Variants in GNAI1 observed in about 807,000 individuals in gnomAD.
GNAI1 encodes guanine nucleotide-binding protein G(i) subunit alpha-1.
A neutral mutation model predicts 38.9 loss-of-function variants in GNAI1; 11 were observed. The observed-to-expected ratio is 0.28, with a 90% CI of 0.18 to 0.47. GNAI1 has a LOEUF of 0.47. GNAI1 is among the 20% of genes least tolerant of loss of function. GNAI1 has a pLI of 0.99. For missense variants in GNAI1, 317 were observed against 436.9 expected, an observed-to-expected ratio of 0.73 and a Z score of 2.45; for synonymous variants, 166 against 145.1, an observed-to-expected ratio of 1.14 and a Z score of -1.04.
intron 1 of GNAI1, among the ~76,000 whole-genome samples, chr7:80,142,906 T>A (rs1046644663): frequency 8.5e-5 from 13 of 152,106 alleles, no homozygotes; most frequent in African/African-American, 3.1e-4. Flanking sequence ...GGGAACTTTG[T>A]TTTTAACAGT....
chr7:80,202,003 AC>A lies in GNAI1; in HGVS notation c.462-1700del, dbSNP rs568924029. ...TCATTTAAAACAATCAGAATTTTTC[AC>A]AGTGCCTGCTTTTCTTCTTTGTCTT... On this transcript the variant is annotated intron_variant, in intron 4 of 7. Coordinates refer to ENST00000649796, the MANE Select transcript of GNAI1 (RefSeq NM_002069.6). 2.1e-3 allele frequency among the ~76,000 whole-genome samples: 324 copies of A among 152,296 alleles called. 1 individual carries two copies. The highest frequency in any genetic ancestry group is 0.014 in the Middle Eastern group (4 of 294).
chr7:80,184,775 C>T (rs958579873), intron 1 of GNAI1, among the ~76,000 whole-genome samples: 9 of 152,186 alleles, frequency 5.9e-5, no homozygotes, highest in African/African-American at 2.2e-4. Flanking sequence ...CTGCCCTGCT[C>T]ATGCCTGACT....
intron 1 of GNAI1, among the ~76,000 whole-genome samples, chr7:80,159,654 T>C (rs906621473): frequency 1.3e-5 from 2 of 152,192 alleles, no homozygotes; most frequent in Non-Finnish European, 2.9e-5. Context: ...CATTTAAAAA[T>C]ATTCGTTGTT....
At chr7:80,179,519 C>G (rs6980462) in intron 1 of GNAI1, among the ~76,000 whole-genome samples, 28,532 of 152,078 alleles carry the variant, frequency 0.19, 3,515 homozygotes, top group African/African-American at 0.34. Flanking sequence ...ACATGTAGTT[C>G]AGGTATAAAG....
chr7:80,137,321 T>TTTTC (rs1562819590), intron 1 of GNAI1, among the ~76,000 whole-genome samples: 3 of 125,538 alleles, frequency 2.4e-5, no homozygotes, highest in African/African-American at 9.3e-5. Context: ...TCTTTTCTTT[T>TTTTC]TTTTTTTTTT....
At chr7:80,150,721 C>T (rs1483319557) in intron 1 of GNAI1, among the ~76,000 whole-genome samples, 1 of 152,122 alleles carries the variant, frequency 6.6e-6, no homozygotes, top group African/African-American at 2.4e-5. Flanking sequence ...TGAAATATTT[C>T]GTAAATAAAC....
chr7:80,168,468 A>T (rs1390326941), intron 1 of GNAI1, among the ~76,000 whole-genome samples: 1 of 152,038 alleles, frequency 6.6e-6, no homozygotes, highest in Admixed American at 6.6e-5. Context: ...GCTCACTGCA[A>T]GCTCCGCCTC....
chr7:80,141,903 C>T (rs143833433), intron 1 of GNAI1, among the ~76,000 whole-genome samples: 61 of 152,198 alleles, frequency 4.0e-4, no homozygotes, highest in African/African-American at 1.4e-3. Context: ...AGCAAGGATC[C>T]CCTTCCTCTA....
chr7:80,212,007 G>A (rs992375235), intron 6 of GNAI1, among the ~76,000 whole-genome samples: 7 of 152,126 alleles, frequency 4.6e-5, no homozygotes, highest in Non-Finnish European at 8.8e-5. Context: ...TTTTTCCTAT[G>A]TGTGGGTTCC....
chr7:80,145,046 AC>A (rs1411082733), intron 1 of GNAI1, among the ~76,000 whole-genome samples: 1 of 152,152 alleles, frequency 6.6e-6, no homozygotes, highest in Non-Finnish European at 1.5e-5. Context: ...TGCCTCCAGC[AC>A]CTTTTTCCAT....
At chr7:80,137,487 A>C (rs1787445496) in intron 1 of GNAI1, among the ~76,000 whole-genome samples, 1 of 150,850 alleles carries the variant, frequency 6.6e-6, no homozygotes, top group Non-Finnish European at 1.5e-5. Context: ...TGCTCGGCTA[A>C]TTTTGTATTT....
At chr7:80,203,110 A>C (rs1482015463) in intron 4 of GNAI1, among the ~76,000 whole-genome samples, 1 of 152,222 alleles carries the variant, frequency 6.6e-6, no homozygotes, top group Non-Finnish European at 1.5e-5. Context: ...CAACATATGT[A>C]GCACCAGTGG....
chr7:80,181,169 A>G (rs1788287201), intron 1 of GNAI1, among the ~76,000 whole-genome samples: 1 of 152,108 alleles, frequency 6.6e-6, no homozygotes, highest in Non-Finnish European at 1.5e-5. Context: ...GTTTATCTAT[A>G]AGCATAAGGA....
In GNAI1 at chr7:80,220,038, A is replaced by G. The variant is rs932035148; in HGVS notation, c.*2545A>G. Among the ~76,000 whole-genome samples, 2 of 152,206 alleles carry G rather than the reference A, an allele frequency of 1.3e-5. No individual in the cohort carries two copies. The highest frequency in any genetic ancestry group is 4.1e-4 in the South Asian group (2 of 4,828). Reference sequence around the variant, plus strand: ...CCATTTCTCTCTTCTCGAAAAACCCAGGTTAGTTATCCTAATGTAGAACTG... The same window carrying G: ...CCATTTCTCTCTTCTCGAAAAACCCGGGTTAGTTATCCTAATGTAGAACTG... On this transcript the variant is annotated 3_prime_UTR_variant, in exon 8 of 8. Coordinates refer to ENST00000649796, the MANE Select transcript of GNAI1 (RefSeq NM_002069.6).
chr7:80,137,099 A>G (rs1275941995), intron 1 of GNAI1, among the ~76,000 whole-genome samples: 1 of 152,088 alleles, frequency 6.6e-6, no homozygotes, highest in Non-Finnish European at 1.5e-5. Flanking sequence ...ACATATTGCT[A>G]GAAGTCCTCT....
Position 80,220,227 on chromosome 7 carries a change from T to G in GNAI1, c.*2734T>G, listed in dbSNP as rs1405314877. On this transcript the variant is annotated 3_prime_UTR_variant, in exon 8 of 8. Coordinates refer to ENST00000649796, the MANE Select transcript of GNAI1 (RefSeq NM_002069.6). ...TGCATAACCTGGGCTTTCCTCCAAGTACTGTATTACTTACTACATGTGATA... is the reference window on the plus strand; with the variant it reads ...TGCATAACCTGGGCTTTCCTCCAAGGACTGTATTACTTACTACATGTGATA... 7.3e-6 allele frequency among the ~76,000 whole-genome samples: 1 copy of G among 137,684 alleles called. No individual in the cohort carries two copies. 90.3% of individuals were successfully genotyped at this position (137,684 alleles called of 152,430 possible).
chr7:80,172,912 G>C (rs1313338956), intron 1 of GNAI1, among the ~76,000 whole-genome samples: 1 of 152,178 alleles, frequency 6.6e-6, no homozygotes, highest in Non-Finnish European at 1.5e-5. Flanking sequence ...GGAAAGAGTA[G>C]GTTTATGGAG....
chr7:80,219,573 A>G lies in GNAI1; in HGVS notation c.*2080A>G, dbSNP rs1341370752. Among the ~76,000 whole-genome samples the G allele has an allele frequency of 1.3e-5, 2 of 152,108 alleles. No homozygotes were observed. The highest frequency in any genetic ancestry group is 4.8e-5 in the African/African-American group (2 of 41,432). On this transcript the variant is annotated 3_prime_UTR_variant, in exon 8 of 8. Coordinates refer to ENST00000649796, the MANE Select transcript of GNAI1 (RefSeq NM_002069.6). ...TGCCACATTTGGAATTGCCTTCTTG[A>G]TATCCCCTTCTGAGAATGCATTGCC... is the stretch of plus-strand genomic sequence containing the variant.
chr7:80,139,946 C>G (rs1584000505), intron 1 of GNAI1, among the ~76,000 whole-genome samples: 1 of 108,926 alleles, frequency 9.2e-6, no homozygotes, highest in Admixed American at 9.4e-5. Flanking sequence ...AGGTAGATCT[C>G]ATTTTCTAAT....
Sources: gnomAD v4.1 joint callset for allele counts (sites outside exome capture counted in the v4.1 genomes callset) on GRCh38, gnomAD v4.1.1 for gene constraint, MANE v1.5 for transcripts, NCBI Gene and HGNC (gene_info 2026-07-23, HGNC 2026-07-21) for gene names.